The following PRDM11 variants were observed in gnomAD, a reference collection of about 807,000 sequenced individuals.
PRDM11 encodes the protein PR domain-containing protein 11.
Under a neutral mutation model 97.8 loss-of-function variants are expected in PRDM11, and 20 were observed. The observed-to-expected ratio is 0.20, with a 90% CI of 0.14 to 0.30. The LOEUF is 0.30. Ranked by LOEUF, PRDM11 falls within the 10% of genes least tolerant of loss-of-function variation. PRDM11 has a pLI of 1.00. For synonymous variants in PRDM11, 599 were observed against 637.7 expected (o/e 0.94, Z 0.91); for missense variants, 1,139 against 1,555.2 (o/e 0.73, Z 4.50).
chr11:45,101,567 A>AAAAAAGAAGAAGAAG (rs767802218), intron 1 of PRDM11, among the ~76,000 whole-genome samples: 13 of 96,858 alleles, frequency 1.3e-4, no homozygotes, highest in African/African-American at 5.4e-4. Flanking sequence ...AAAAAAAAAA[A>AAAAAAGAAGAAGAAG]AAGAAGAAGA....
At chr11:45,141,178 G>C (rs1851397596) in intron 1 of PRDM11, among the ~76,000 whole-genome samples, 1 of 152,192 alleles carries the variant, frequency 6.6e-6, no homozygotes, top group African/African-American at 2.4e-5. Context: ...ATAACTGCAT[G>C]ATCATCTACA....
rs759103529 is a variant in PRDM11 at position 45,181,864 on chromosome 11, A to C, written c.98A>C (p.Asp33Ala). 11 of 1,612,970 alleles carry C rather than the reference A, an allele frequency of 6.8e-6. No homozygotes were observed. The African/African-American group carries it at 1.2e-4, about 18-fold the overall frequency. ...ACGGAGGTCTGCTCACCACTCCGAG[A>C]CCAGGAGTATGGCCAGCCCTGGTGA... ...VKTEVCSPLR[D>A]QEYGQPCSRR... Residue 33 changes from aspartate (D) to alanine (A), a missense_variant, in exon 2 of 8, where the codon GAC (aspartate) becomes GCC (alanine). Around this residue, in one of 2 missense-constraint regions of PRDM11, gnomAD observed 429 missense variants for 510.3 expected, o/e 0.84. Coordinates refer to ENST00000683152, the MANE Select transcript of PRDM11 (RefSeq NM_001384648.1).
At chr11:45,140,509 T>A (rs1852982614) in intron 1 of PRDM11, among the ~76,000 whole-genome samples, 1 of 152,152 alleles carries the variant, frequency 6.6e-6, no homozygotes, top group African/African-American at 2.4e-5. Flanking sequence ...AAACATAACA[T>A]CTACCTGGGC....
upstream of PRDM11, among the ~76,000 whole-genome samples, chr11:45,094,678 G>T (rs1226749897): frequency 7.2e-6 from 1 of 138,930 alleles, no homozygotes; most frequent in Non-Finnish European, 1.6e-5. Context: ...AAGGAGGGAT[G>T]GAAGGATGGA....
At chr11:45,217,774 G>T (rs1854001161) in intron 5 of PRDM11, among the ~76,000 whole-genome samples, 2 of 152,228 alleles carry the variant, frequency 1.3e-5, no homozygotes, top group Admixed American at 1.3e-4. Flanking sequence ...CATGCTGCTA[G>T]CTGCCACCAC....
rs1854351447 is a variant in PRDM11 at position 45,229,360 on chromosome 11, G to A, written c.*1201G>A. 6.6e-6 allele frequency: 1 copy of A among 152,058 alleles called. No homozygotes were observed. Among genetic ancestry groups the A allele is most frequent in the Admixed American group, 6.6e-5 (1 of 15,266 alleles). The allele number at this position is 152,058 out of a possible 1,614,324, so 9.4% of individuals were successfully genotyped here. A position where few individuals can be genotyped will look rare whatever the true frequency, so the allele number is the denominator to read the frequency against. ...CATGCTACATGGTCATAGGAAACTG[G>A]GGAATGTGTCTCTGCCTGTAAACTC... On this transcript the variant is annotated 3_prime_UTR_variant, in exon 8 of 8. Coordinates refer to ENST00000683152, the MANE Select transcript of PRDM11 (RefSeq NM_001384648.1).
At position 45,229,501 on chromosome 11, in the gene PRDM11, GAC is replaced by G. The variant is rs915643949; in HGVS notation, c.*1360_*1361del. ...ACACACAGACACACACACACACACAGACACACACACACACACACAATCACAAT... is the reference window on the plus strand; with the variant it reads ...ACACACAGACACACACACACACACAGACACACACACACACACAATCACAAT... On this transcript the variant is annotated 3_prime_UTR_variant, in exon 8 of 8. Coordinates refer to ENST00000683152, the MANE Select transcript of PRDM11 (RefSeq NM_001384648.1). 2.0e-3 allele frequency: 90 copies of G among 45,254 alleles called. No individual in the cohort carries two copies. The highest frequency in any genetic ancestry group is 4.0e-3 in the African/African-American group (61 of 15,298). 2.8% of individuals were successfully genotyped at this position (45,254 alleles called of 1,614,324 possible).
intron 4 of PRDM11, among the ~76,000 whole-genome samples, chr11:45,185,996 G>A (rs74736209): frequency 0.11 from 16,199 of 151,762 alleles, 1,162 homozygotes; most frequent in Admixed American, 0.24. Flanking sequence ...GTAAGGAGCC[G>A]GGAGTCAAGG....
rs1854393699 is a variant in PRDM11 at position 45,231,219 on chromosome 11, A to G, written c.*3060A>G. Reference sequence around the variant, plus strand: ...TACACGGGGTCTCTTCTCAGCTTGGATGCTCCCTGGGAGGCCCAGTGCTTC... The same window carrying G: ...TACACGGGGTCTCTTCTCAGCTTGGGTGCTCCCTGGGAGGCCCAGTGCTTC... On this transcript the variant is annotated 3_prime_UTR_variant, in exon 8 of 8. Transcript: ENST00000683152. 1.3e-5 allele frequency: 2 copies of G among 152,112 alleles called. No individual in the cohort carries two copies. Among genetic ancestry groups the G allele is most frequent in the African/African-American group, 4.8e-5 (2 of 41,422 alleles). The allele number at this position is 152,112 out of a possible 1,614,324, so 9.4% of individuals were successfully genotyped here.
At position 45,224,296 on chromosome 11, in the gene PRDM11, T is replaced by C. The variant is rs1458577178; in HGVS notation, c.822T>C (p.Ser274=). ...PEDLRGPIHL[S]VLRQGKSPYK... ...ACCTGAGGGGTCCCATTCATCTCTC[T>C]GTGCTGAGACAGGGCAAAAGTCCCT... Residue 274 remains serine (S), a synonymous_variant, in exon 7 of 8, where the codon TCT becomes TCC. Transcript: ENST00000683152. 4.3e-6 allele frequency: 7 copies of C among 1,614,054 alleles called. No homozygotes were observed. The Admixed American group carries it at 1.2e-4, about 27-fold the overall frequency.
intron 1 of PRDM11, among the ~76,000 whole-genome samples, chr11:45,150,180 C>T (rs1851625353): frequency 6.6e-6 from 1 of 152,096 alleles, no homozygotes; most frequent in African/African-American, 2.4e-5. Context: ...TGCATTCCAC[C>T]CCCTCTCCTG....
chr11:45,197,837 C>T (rs1036979531), intron 4 of PRDM11, among the ~76,000 whole-genome samples: 7 of 151,776 alleles, frequency 4.6e-5, no homozygotes, highest in Non-Finnish European at 8.8e-5. Flanking sequence ...CACTTGGACA[C>T]GGGGTGGGGA....
intron 7 of PRDM11, 142 bp from the exon 8 acceptor site, chr11:45,225,853 T>C (rs1854261916): frequency 9.2e-7 from 1 of 1,083,116 alleles, no homozygotes; most frequent in Non-Finnish European, 1.3e-6. Flanking sequence ...AATTCTGGGC[T>C]GGGATTCAAT....
At chr11:45,104,327 C>A (rs1488552406) in intron 1 of PRDM11, among the ~76,000 whole-genome samples, 1 of 152,218 alleles carries the variant, frequency 6.6e-6, no homozygotes, top group Non-Finnish European at 1.5e-5. Flanking sequence ...GGGCACAGGG[C>A]TGGACAGGCA....
chr11:45,098,710 A>G (rs935066939), intron 1 of PRDM11, among the ~76,000 whole-genome samples: 4 of 152,110 alleles, frequency 2.6e-5, no homozygotes, highest in African/African-American at 9.7e-5. Context: ...GGAAGGAGTG[A>G]CACCTGGGTT....
At chr11:45,127,535 T>C (rs1327214215) in intron 1 of PRDM11, among the ~76,000 whole-genome samples, 1 of 151,198 alleles carries the variant, frequency 6.6e-6, no homozygotes, top group Non-Finnish European at 1.5e-5. Context: ...CCTTTCTGTT[T>C]GTTAGTTTTC....
chr11:45,180,860 C>T (rs934748218), intron 1 of PRDM11, among the ~76,000 whole-genome samples: 19 of 151,806 alleles, frequency 1.3e-4, no homozygotes, highest in Non-Finnish European at 2.4e-4. Context: ...TTCCCCACCG[C>T]GCGCCCCCGG....
chr11:45,183,003 C>T lies in PRDM11; in HGVS notation c.366C>T (p.Asp122=). 1 of 1,614,110 alleles carries T rather than the reference C, an allele frequency of 6.2e-7. No individual in the cohort carries two copies. Among genetic ancestry groups the T allele is most frequent in the African/African-American group, 1.3e-5 (1 of 75,046 alleles). ...CACAGGGCATGGAGGTGGTCAAGGA[C>T]ACTAGTGGAGAGAGTGACGTGCGAT... The part of the protein sequence containing the change: ...TIPQGMEVVK[D]TSGESDVRCV... The change falls in exon 4 of 8, where the codon GAC becomes GAT. Residue 122 remains aspartate (D), a synonymous_variant. Coordinates refer to ENST00000683152, the MANE Select transcript of PRDM11 (RefSeq NM_001384648.1).
chr11:45,164,329 G>C (rs755772254), intron 1 of PRDM11, among the ~76,000 whole-genome samples: 1 of 152,242 alleles, frequency 6.6e-6, no homozygotes, highest in Non-Finnish European at 1.5e-5. Context: ...GCCAGGCTGC[G>C]CTCTGCCAGC....
Sources: allele counts gnomAD v4.1 joint callset (sites outside exome capture counted in the v4.1 genomes callset), GRCh38; gene constraint gnomAD v4.1.1; regional missense constraint gnomAD v4.1.1; transcripts MANE v1.5; gene names NCBI Gene and HGNC (gene_info 2026-07-23, HGNC 2026-07-21).